Variants in PLXDC2 observed in about 807,000 individuals in gnomAD.
The protein encoded by PLXDC2 is plexin domain-containing protein 2.
A neutral mutation model predicts 68.9 loss-of-function variants in PLXDC2; 40 were observed. The ratio of observed to expected loss-of-function variants is 0.58; its 90% CI spans 0.45 to 0.76. The LOEUF is 0.76. Ranked by LOEUF, PLXDC2 falls within the 30% of genes least tolerant of loss-of-function variation. The probability of loss-of-function intolerance (pLI) is 0.00; values close to 1 mark genes in which losing one functional copy is unlikely to be tolerated. For synonymous variants in PLXDC2, 243 were observed against 234.2 expected (o/e 1.04, Z -0.34); for missense variants, 644 against 661.9 (o/e 0.97, Z 0.30).
intron 1 of PLXDC2, among the ~76,000 whole-genome samples, chr10:19,831,637 T>C (rs1441647544): frequency 2.0e-5 from 3 of 152,192 alleles, no homozygotes; most frequent in African/African-American, 7.2e-5. Context: ...TTTGTGCCCA[T>C]GTGTTCTCAT....
chr10:19,834,310 TCA>T (rs1320400155), intron 1 of PLXDC2, among the ~76,000 whole-genome samples: 1 of 148,044 alleles, frequency 6.8e-6, no homozygotes, highest in African/African-American at 2.5e-5. Flanking sequence ...CAGCACAAAA[TCA>T]CAGAGAAAGA....
intron 13 of PLXDC2, among the ~76,000 whole-genome samples, chr10:20,271,760 G>C (rs1326211327): frequency 6.6e-6 from 1 of 152,166 alleles, no homozygotes; most frequent in Non-Finnish European, 1.5e-5. Context: ...AGGCTAATTA[G>C]ATGTGATCTT....
rs912393446 is a variant in PLXDC2, at chr10:20,100,134, G to A, written c.541+31895G>A. The stretch of plus-strand genomic sequence containing the variant: ...CACAATAAGAGCACAAACTTTAAAA[G>A]AATCTTAGTCTAGCAAATGCTGATT... On this transcript the variant is annotated intron_variant, in intron 4 of 13. Coordinates refer to ENST00000377252, the MANE Select transcript of PLXDC2 (RefSeq NM_032812.9). Among the ~76,000 whole-genome samples, 97 of 152,228 alleles carry A rather than the reference G, an allele frequency of 6.4e-4. 1 individual carries two copies. The highest frequency in any genetic ancestry group is 2.1e-3 in the African/African-American group (88 of 41,558).
intron 1 of PLXDC2, among the ~76,000 whole-genome samples, chr10:19,905,002 A>G (rs1833124898): frequency 6.6e-6 from 1 of 152,194 alleles, no homozygotes; most frequent in African/African-American, 2.4e-5. Flanking sequence ...ATTGGACATC[A>G]TTCCTGCAGA....
Position 20,288,772 on chromosome 10 carries a change from C to T in PLXDC2, c.*8953C>T, listed in dbSNP as rs949204562. 3 of 152,060 alleles carry T rather than the reference C, an allele frequency of 2.0e-5. No individual in the cohort carries two copies. The highest frequency in any genetic ancestry group is 4.4e-5 in the Non-Finnish European group (3 of 68,010). The allele number at this position is 152,060 out of a possible 1,614,324, so 9.4% of individuals were successfully genotyped here. Reference sequence around the variant, plus strand: ...GTTCTGCTTACAGTGTGTGGGAAATCTGATTTTTTTCCCCTAGTAATAGTT... The same window carrying T: ...GTTCTGCTTACAGTGTGTGGGAAATTTGATTTTTTTCCCCTAGTAATAGTT... On this transcript the variant is annotated 3_prime_UTR_variant, in exon 14 of 14. Transcript: ENST00000377252.
intron 1 of PLXDC2, among the ~76,000 whole-genome samples, chr10:19,966,455 G>GCACATATAGAAAAAATA (rs1462042772): frequency 4.5e-5 from 1 of 22,360 alleles, no homozygotes; most frequent in African/African-American, 2.2e-4. Flanking sequence ...AAACATGTGT[G>GCACATATAGAAAAAATA]TATATGTACA....
chr10:20,053,182 C>CAT (rs1835933843), intron 3 of PLXDC2, among the ~76,000 whole-genome samples: 2 of 152,068 alleles, frequency 1.3e-5, no homozygotes, highest in Non-Finnish European at 2.9e-5. Flanking sequence ...ATCATCTCAG[C>CAT]CATAATCATT....
intron 4 of PLXDC2, among the ~76,000 whole-genome samples, chr10:20,106,022 A>T (rs1833486717): frequency 3.9e-5 from 6 of 152,214 alleles, no homozygotes; most frequent in Admixed American, 3.9e-4. Context: ...TTTGTATCAG[A>T]CATTAAACTA....
intron 1 of PLXDC2, among the ~76,000 whole-genome samples, chr10:19,923,577 T>C (rs369157907): frequency 6.6e-6 from 1 of 152,124 alleles, no homozygotes; most frequent in African/African-American, 2.4e-5. Context: ...ACTGAGGCAA[T>C]TAAGGATAAT....
At chr10:20,078,141 A>G (rs1485599744) in intron 4 of PLXDC2, among the ~76,000 whole-genome samples, 1 of 152,168 alleles carries the variant, frequency 6.6e-6, no homozygotes, top group African/African-American at 2.4e-5. Flanking sequence ...TTTTAAAGCT[A>G]TTTATTTTAT....
chr10:20,100,586 C>G (rs1173946246), intron 4 of PLXDC2, among the ~76,000 whole-genome samples: 1 of 152,120 alleles, frequency 6.6e-6, no homozygotes, highest in East Asian at 1.9e-4. Context: ...CATGTCATTC[C>G]TGTTGCCCTT....
At chr10:19,990,401 C>T (rs1834727841) in intron 1 of PLXDC2, among the ~76,000 whole-genome samples, 1 of 152,108 alleles carries the variant, frequency 6.6e-6, no homozygotes, top group African/African-American at 2.4e-5. Flanking sequence ...TATATTTTAA[C>T]AACTATTTAG....
intron 6 of PLXDC2, among the ~76,000 whole-genome samples, chr10:20,160,151 A>G (rs1041676890): frequency 6.6e-6 from 1 of 152,196 alleles, no homozygotes; most frequent in African/African-American, 2.4e-5. Flanking sequence ...AATGGATTCT[A>G]TCTTATCAAA....
chr10:20,035,015 A>C (rs1353342016), intron 2 of PLXDC2, among the ~76,000 whole-genome samples: 2 of 152,234 alleles, frequency 1.3e-5, no homozygotes, highest in Non-Finnish European at 2.9e-5. Flanking sequence ...TTGTGTTAAC[A>C]AAGGTGATGT....
intron 9 of PLXDC2, among the ~76,000 whole-genome samples, chr10:20,210,401 C>G (rs549982635): frequency 6.6e-6 from 1 of 152,016 alleles, no homozygotes; most frequent in Non-Finnish European, 1.5e-5. Flanking sequence ...CTAAAAGGAG[C>G]GACTATGGTA....
intron 1 of PLXDC2, among the ~76,000 whole-genome samples, chr10:19,835,519 G>C (rs1362404651): frequency 6.6e-6 from 1 of 152,202 alleles, no homozygotes; most frequent in Non-Finnish European, 1.5e-5. Flanking sequence ...CAGGACTGGG[G>C]CTCAGCAGGG....
At chr10:19,891,926 T>C (rs1018283894) in intron 1 of PLXDC2, among the ~76,000 whole-genome samples, 4 of 152,192 alleles carry the variant, frequency 2.6e-5, no homozygotes, top group Non-Finnish European at 5.9e-5. Context: ...AAACAAAGAA[T>C]AGCCTAGCTT....
At chr10:20,273,280 CT>C (rs1835962629) in intron 13 of PLXDC2, among the ~76,000 whole-genome samples, 2 of 151,958 alleles carry the variant, frequency 1.3e-5, no homozygotes, top group African/African-American at 2.4e-5. Context: ...ATGATTTTTA[CT>C]GGCATGATTG....
intron 1 of PLXDC2, among the ~76,000 whole-genome samples, chr10:19,820,649 A>AG (rs1589483249): frequency 6.6e-6 from 1 of 151,938 alleles, no homozygotes; most frequent in East Asian, 1.9e-4. Context: ...TCAAAAAAAA[A>AG]AAAAAAGAAA....
Sources: allele counts gnomAD v4.1 joint callset (sites outside exome capture counted in the v4.1 genomes callset), GRCh38; gene constraint gnomAD v4.1.1; transcripts MANE v1.5; gene names NCBI Gene and HGNC (gene_info 2026-07-23, HGNC 2026-07-21).